ICAM1: variants seen among roughly 807,000 people sequenced by gnomAD.
The protein encoded by ICAM1 is intercellular adhesion molecule 1, also known as ICAM-1.
In ICAM1, 28 loss-of-function variants were observed where a neutral mutation model predicts 42.3. That is an observed-to-expected ratio of 0.66 (90% CI 0.49 to 0.91). ICAM1 has a LOEUF of 0.91. ICAM1 is among the 40% of genes least tolerant of loss of function. The pLI, the probability that ICAM1 is intolerant of heterozygous loss-of-function variation, is 0.00. For synonymous variants in ICAM1, 304 were observed against 305.9 expected, an observed-to-expected ratio of 0.99 and a Z score of 0.07; for missense variants, 637 against 688.6, an observed-to-expected ratio of 0.93 and a Z score of 0.84.
Position 10,286,095 on chromosome 19 carries a change from C to G in ICAM1, c.*808C>G, listed in dbSNP as rs1157608133. 2 of 152,398 alleles carry G rather than the reference C, an allele frequency of 1.3e-5. No homozygotes were observed. The highest frequency in any genetic ancestry group is 1.9e-4 in the East Asian group (1 of 5,342). The allele number at this position is 152,398 out of a possible 1,614,324, so 9.4% of individuals were successfully genotyped here. On this transcript the variant is annotated 3_prime_UTR_variant, in exon 7 of 7. Transcript: ENST00000264832. Reference sequence around the variant, plus strand: ...GTGAGGCCTTATTCCTCCCTTCCCCCCAAAACTGACACCTTTGTTAGCCAC... The same window carrying G: ...GTGAGGCCTTATTCCTCCCTTCCCCGCAAAACTGACACCTTTGTTAGCCAC...
At chr19:10,281,262 C>T (rs1434584404) in intron 2 of ICAM1, among the ~76,000 whole-genome samples, 1 of 151,928 alleles carries the variant, frequency 6.6e-6, no homozygotes, top group Non-Finnish European at 1.5e-5. Context: ...AGCCACCACG[C>T]CATGCCGAAG....
chr19:10,280,687 A>C (rs1390250241), intron 2 of ICAM1, among the ~76,000 whole-genome samples: 1 of 151,970 alleles, frequency 6.6e-6, no homozygotes, highest in African/African-American at 2.4e-5. Flanking sequence ...CTCTTGCCTC[A>C]GCCACCTGAG....
At chr19:10,272,555 CTTTTCTTT>C (rs2039989050) in intron 1 of ICAM1, among the ~76,000 whole-genome samples, 7 of 108,510 alleles carry the variant, frequency 6.5e-5, no homozygotes, top group South Asian at 3.1e-4. Context: ...TCTTTCTTTT[CTTTTCTTT>C]TTTTTTTTTT....
At chr19:10,275,705 CTT>C (rs568025125) in intron 2 of ICAM1, among the ~76,000 whole-genome samples, 37 of 109,282 alleles carry the variant, frequency 3.4e-4, no homozygotes, top group South Asian at 8.9e-4. Flanking sequence ...CTGTTTCTTT[CTT>C]TTTTTTTTTT....
chr19:10,272,550 CT>C (rs1347859113), intron 1 of ICAM1, among the ~76,000 whole-genome samples: 20 of 131,420 alleles, frequency 1.5e-4, no homozygotes, highest in Admixed American at 6.3e-4. Flanking sequence ...TTCTTTCTTT[CT>C]TTTCTTTTCT....
intron 2 of ICAM1, among the ~76,000 whole-genome samples, chr19:10,275,301 A>G (rs1256376034): frequency 6.6e-6 from 1 of 152,168 alleles, no homozygotes; most frequent in Non-Finnish European, 1.5e-5. Context: ...CAGGAGTTTA[A>G]GTTTCGCCAA....
In ICAM1 at chr19:10,280,426, T is replaced by C. The variant is rs543955534; in HGVS notation, c.332-3055T>C. On this transcript the variant is annotated intron_variant, in intron 2 of 6. Coordinates refer to ENST00000264832, the MANE Select transcript of ICAM1 (RefSeq NM_000201.3). The stretch of plus-strand genomic sequence containing the variant: ...TCTCACTTTGTCACCCAGGCTGGAG[T>C]GCAGTGGTACAATCGTAGCTGACTG... Among the ~76,000 whole-genome samples the C allele has an allele frequency of 7.9e-5, 12 of 152,194 alleles. No homozygotes were observed. In the South Asian group the frequency reaches 8.3e-4, roughly 11 times the overall value.
intron 2 of ICAM1, among the ~76,000 whole-genome samples, chr19:10,278,548 CT>C (rs74178246): frequency 2.4e-5 from 1 of 41,746 alleles, no homozygotes; most frequent in Non-Finnish European, 4.2e-5. Context: ...CCTGATAGGT[CT>C]TTTTTTTTTT....
chr19:10,280,325 A>G (rs5030365), intron 2 of ICAM1, among the ~76,000 whole-genome samples: 3,924 of 151,992 alleles, frequency 0.026, 172 homozygotes, highest in African/African-American at 0.09. Context: ...TTGACTATAT[A>G]TATATATATT....
chr19:10,279,865 TAAAA>T (rs5827095), intron 2 of ICAM1, among the ~76,000 whole-genome samples: 1 of 142,330 alleles, frequency 7.0e-6, no homozygotes. Context: ...ACACTGCCCC[TAAAA>T]AAAAAAAAAA....
intron 2 of ICAM1, among the ~76,000 whole-genome samples, chr19:10,279,589 T>C (rs1051736637): frequency 1.3e-5 from 2 of 152,086 alleles, no homozygotes; most frequent in Non-Finnish European, 2.9e-5. Flanking sequence ...GTTCAACCGA[T>C]TCTGCTGCCT....
At chr19:10,272,560 C>CTTTTTTTTTTTTTTTTTTTTTTT (rs1174775027) in intron 1 of ICAM1, among the ~76,000 whole-genome samples, 2 of 56,134 alleles carry the variant, frequency 3.6e-5, no homozygotes, top group African/African-American at 1.1e-4. Context: ...CTTTTCTTTT[C>CTTTTTTTTTTTTTTTTTTTTTTT]TTTTTTTTTT....
chr19:10,273,016 GCTGA>G (rs1329864677), intron 1 of ICAM1, among the ~76,000 whole-genome samples: 3 of 152,198 alleles, frequency 2.0e-5, no homozygotes, highest in Middle Eastern at 3.4e-3. Flanking sequence ...TTCCTGGAGG[GCTGA>G]CTGTCTCCAC....
intron 2 of ICAM1, among the ~76,000 whole-genome samples, chr19:10,277,262 C>T (rs1214173541): frequency 6.6e-6 from 1 of 152,030 alleles, no homozygotes. Flanking sequence ...CTCACCGCAA[C>T]CTTCACCTCC....
At chr19:10,281,729 T>A (rs2040060904) in intron 2 of ICAM1, among the ~76,000 whole-genome samples, 1 of 149,800 alleles carries the variant, frequency 6.7e-6, no homozygotes, top group African/African-American at 2.5e-5. Context: ...TGCTTTTTTT[T>A]TTTTTTTTTT....
rs983333675 is a variant in ICAM1 at position 10,284,336 on chromosome 19, G to A, written c.925+16G>A. ...ACCATCTACAGTAAGAAGGGGCAGG[G>A]GCGGAGTGGGGCTTCTTGGGGGTGT... On this transcript the variant is annotated intron_variant, in intron 4 of 6. Coordinates refer to ENST00000264832, the MANE Select transcript of ICAM1 (RefSeq NM_000201.3). This position sits in a 1 kb window ranked among gnomAD's most constrained non-coding sequence, Gnocchi z 5.4. 1.2e-6 allele frequency: 2 copies of A among 1,612,376 alleles called. No individual in the cohort carries two copies. The highest frequency in any genetic ancestry group is 8.5e-7 in the Non-Finnish European group (1 of 1,179,574).
At chr19:10,275,509 T>A (rs565848869) in intron 2 of ICAM1, among the ~76,000 whole-genome samples, 1 of 151,530 alleles carries the variant, frequency 6.6e-6, no homozygotes, top group South Asian at 2.1e-4. Context: ...AAAAAAAAAA[T>A]GCCATCTCTC....
rs765617669 is a variant in ICAM1 at position 10,283,600 on chromosome 19, C to G, written c.451C>G (p.Leu151Val). ...APRANLTVVL[L>V]RGEKELKREP... ...CCGGGCCAACCTCACCGTGGTGCTG[C>G]TCCGTGGGGAGAAGGAGCTGAAACG... The change falls in exon 3 of 7, where the codon CTC becomes GTC. Residue 151 changes from leucine to valine, a missense_variant. Physicochemically the swap from Leu to Val is conservative, Grantham distance 32 (BLOSUM62 1). Transcript: ENST00000264832. 6.2e-7 allele frequency: 1 copy of G among 1,614,006 alleles called. No individual in the cohort carries two copies. The highest frequency in any genetic ancestry group is 1.1e-5 in the South Asian group (1 of 91,090).
chr19:10,273,473 C>G (rs1334055526), intron 1 of ICAM1, among the ~76,000 whole-genome samples: 2 of 148,732 alleles, frequency 1.3e-5, no homozygotes, highest in Non-Finnish European at 3.0e-5. Flanking sequence ...GCCTGGGCAA[C>G]AAGAGCTAAA....
Sources: gnomAD v4.1 joint callset for allele counts (sites outside exome capture counted in the v4.1 genomes callset) on GRCh38, gnomAD v4.1.1 for gene constraint, Gnocchi (gnomAD v3.1) non-coding constraint, MANE v1.5 for transcripts, NCBI Gene and HGNC (gene_info 2026-07-23, HGNC 2026-07-21) for gene names.